Variants in COL14A1 observed in about 807,000 individuals in gnomAD.
COL14A1 encodes the protein collagen type XIV alpha 1 chain.
Under a neutral mutation model 230.3 loss-of-function variants are expected in COL14A1, and 136 were observed. That is an observed-to-expected ratio of 0.59 (90% CI 0.51 to 0.68). The LOEUF (loss-of-function observed/expected upper bound fraction) is 0.68, where lower values mean the gene tolerates loss of function less well. COL14A1 is among the 30% of genes least tolerant of loss of function. COL14A1 has a pLI of 0.00. For synonymous variants in COL14A1, 792 were observed against 784.1 expected (o/e 1.01, Z -0.17); for missense variants, 1,976 against 2,215.8 (o/e 0.89, Z 2.17).
At position 120,373,426 on chromosome 8, in the gene COL14A1, C is replaced by T. The variant is rs908520880; in HGVS notation, c.*2195C>T. Among the ~76,000 whole-genome samples, 8 of 152,040 alleles carry T rather than the reference C, an allele frequency of 5.3e-5. No homozygotes were observed. Among genetic ancestry groups the T allele is most frequent in the Non-Finnish European group, 8.8e-5 (6 of 68,010 alleles). ...AAGTGTAACTCAGATTCTGGATGTT[C>T]GAGTTTACAATACATTGCCTGTAAT... On this transcript the variant is annotated 3_prime_UTR_variant, in exon 48 of 48. Coordinates refer to ENST00000297848, the MANE Select transcript of COL14A1 (RefSeq NM_021110.4).
intron 37 of COL14A1, among the ~76,000 whole-genome samples, chr8:120,312,733 C>T: frequency 6.6e-6 from 1 of 152,190 alleles, no homozygotes; most frequent in East Asian, 1.9e-4. Context: ...TGGTTTATCC[C>T]AAGCACCTAA....
intron 23 of COL14A1, among the ~76,000 whole-genome samples, chr8:120,261,718 TA>T (rs1186889708): frequency 1.3e-5 from 2 of 152,042 alleles, no homozygotes; most frequent in African/African-American, 4.8e-5. Context: ...CCTTGGTAGA[TA>T]AAAAAAGAAC....
intron 45 of COL14A1, among the ~76,000 whole-genome samples, chr8:120,354,600 T>C (rs1215766757): frequency 6.6e-6 from 1 of 152,166 alleles, no homozygotes; most frequent in African/African-American, 2.4e-5. Context: ...TCCATCTGAT[T>C]GTCTCTCTCT....
At chr8:120,177,969 A>C (rs979404616) in intron 5 of COL14A1, among the ~76,000 whole-genome samples, 3 of 152,116 alleles carry the variant, frequency 2.0e-5, no homozygotes, top group African/African-American at 7.2e-5. Flanking sequence ...AAAAGAGCCA[A>C]ATAAGAAGAA....
intron 34 of COL14A1, among the ~76,000 whole-genome samples, chr8:120,294,516 G>A (rs1397793881): frequency 1.3e-5 from 2 of 149,932 alleles, no homozygotes; most frequent in South Asian, 2.1e-4. Flanking sequence ...AAAAAGGGCT[G>A]CTTCTTGGAT....
chr8:120,331,048 T>C (rs1209867604), intron 40 of COL14A1, among the ~76,000 whole-genome samples: 1 of 141,272 alleles, frequency 7.1e-6, no homozygotes, highest in Admixed American at 7.9e-5. Context: ...GAAGTTGCGA[T>C]GAGCCAAGAT....
chr8:120,315,477 A>G, intron 38 of COL14A1, 56 bp from the exon 39 acceptor site: 3 of 1,425,516 alleles, frequency 2.1e-6, no homozygotes, highest in Non-Finnish European at 2.9e-6. Context: ...GAAGGAAAAG[A>G]AAACGCTAAG....
At chr8:120,190,780 T>A (rs1816797168) in intron 5 of COL14A1, among the ~76,000 whole-genome samples, 1 of 152,230 alleles carries the variant, frequency 6.6e-6, no homozygotes, top group African/African-American at 2.4e-5. Flanking sequence ...TGGGAGGGTG[T>A]ATGTGTCAAG....
At chr8:120,284,129 A>G (rs987960005) in intron 32 of COL14A1, among the ~76,000 whole-genome samples, 8 of 152,216 alleles carry the variant, frequency 5.3e-5, no homozygotes, top group Non-Finnish European at 1.0e-4. Context: ...GGACATAGAC[A>G]TAATAAAAGT....
At chr8:120,128,226 C>CGTGTGTGT (rs1191519762) in intron 1 of COL14A1, among the ~76,000 whole-genome samples, 22 of 100,542 alleles carry the variant, frequency 2.2e-4, no homozygotes, top group African/African-American at 8.3e-4. Context: ...TGTGTGCGCG[C>CGTGTGTGT]GCGTGTGTGT....
intron 31 of COL14A1, among the ~76,000 whole-genome samples, chr8:120,283,078 A>T (rs891911040): frequency 6.6e-6 from 1 of 152,136 alleles, no homozygotes; most frequent in Non-Finnish European, 1.5e-5. Context: ...TTTTCAGCCA[A>T]GACAATTTCT....
intron 19 of COL14A1, among the ~76,000 whole-genome samples, chr8:120,233,259 CTCT>C (rs1187829411): frequency 3.9e-5 from 6 of 152,136 alleles, no homozygotes; most frequent in African/African-American, 1.4e-4. Flanking sequence ...TGTGCAGAAG[CTCT>C]TTAGTTTAAT....
At chr8:120,128,204 CGTGT>C (rs750419588) in intron 1 of COL14A1, among the ~76,000 whole-genome samples, 18 of 140,850 alleles carry the variant, frequency 1.3e-4, no homozygotes, top group East Asian at 4.3e-4. Context: ...GTTCCTGTGA[CGTGT>C]GTGTGTGTGT....
At chr8:120,230,091 A>G (rs1055528340) in intron 18 of COL14A1, among the ~76,000 whole-genome samples, 3 of 152,082 alleles carry the variant, frequency 2.0e-5, no homozygotes, top group Non-Finnish European at 4.4e-5. Context: ...CATATTACCC[A>G]GGCTGGTCTT....
chr8:120,212,762 G>T (rs560483529), intron 13 of COL14A1, among the ~76,000 whole-genome samples, 185 bp downstream of exon 13: 1 of 152,270 alleles, frequency 6.6e-6, no homozygotes, highest in East Asian at 1.9e-4. Context: ...GAGTGATAAG[G>T]TTGCCAGAAC....
intron 1 of COL14A1, among the ~76,000 whole-genome samples, chr8:120,138,592 G>T (rs1814787683): frequency 2.0e-5 from 3 of 152,100 alleles, no homozygotes; most frequent in African/African-American, 7.2e-5. Context: ...ACTAAACTAG[G>T]TCTTCTTTAT....
At position 120,198,073 on chromosome 8, in the gene COL14A1, T is replaced by G. The variant is rs1817103668; in HGVS notation, c.712+143T>G. The G allele has an allele frequency of 2.7e-5, 22 of 803,750 alleles. No individual in the cohort carries two copies. In the South Asian group the frequency reaches 3.7e-4, roughly 13 times the overall value. 49.8% of individuals were successfully genotyped at this position (803,750 alleles called of 1,614,324 possible). Reference sequence around the variant, plus strand: ...TTCTTTGATGGCTGTTTTCCCAAACTCAGCATTGAGTTAAAAGCCAGATAT... The same window carrying G: ...TTCTTTGATGGCTGTTTTCCCAAACGCAGCATTGAGTTAAAAGCCAGATAT... On this transcript the variant is annotated intron_variant, in intron 7 of 47. Coordinates refer to ENST00000297848, the MANE Select transcript of COL14A1 (RefSeq NM_021110.4).
chr8:120,178,866 A>G (rs980680956), intron 5 of COL14A1, among the ~76,000 whole-genome samples: 1 of 152,076 alleles, frequency 6.6e-6, no homozygotes, highest in East Asian at 1.9e-4. Flanking sequence ...TTGCCTGCAT[A>G]AATATATTCT....
chr8:120,344,938 A>AGTTGAGAC (rs1822445956), intron 44 of COL14A1, among the ~76,000 whole-genome samples: 1 of 152,142 alleles, frequency 6.6e-6, no homozygotes, highest in African/African-American at 2.4e-5. Context: ...CCAAGAGATG[A>AGTTGAGAC]GTTGAGACAG....
Sources: allele counts gnomAD v4.1 joint callset (sites outside exome capture counted in the v4.1 genomes callset), GRCh38; gene constraint gnomAD v4.1.1; transcripts MANE v1.5; gene names NCBI Gene and HGNC (gene_info 2026-07-23, HGNC 2026-07-21).